Variants in KCNIP4 observed in about 807,000 individuals in gnomAD.
KCNIP4 encodes the protein potassium voltage-gated channel interacting protein 4, also known as Kv channel-interacting protein 4.
A neutral mutation model predicts 34.0 loss-of-function variants in KCNIP4; 12 were observed. The ratio of observed to expected loss-of-function variants is 0.35; its 90% CI spans 0.23 to 0.57. KCNIP4 has a LOEUF of 0.57. KCNIP4 is among the 20% of genes least tolerant of loss of function. KCNIP4 has a pLI of 0.83. For missense variants in KCNIP4, 238 were observed against 311.7 expected, an observed-to-expected ratio of 0.76 and a Z score of 1.78; for synonymous variants, 124 against 102.2, an observed-to-expected ratio of 1.21 and a Z score of -1.29.
intron 1 of KCNIP4, among the ~76,000 whole-genome samples, chr4:21,650,355 G>T (rs1259179044): frequency 6.6e-6 from 1 of 152,174 alleles, no homozygotes; most frequent in East Asian, 1.9e-4. Context: ...ATAGTAGGGG[G>T]TGTTAGAAGG....
intron 1 of KCNIP4, among the ~76,000 whole-genome samples, chr4:21,220,452 T>C (rs559686197): frequency 7.2e-5 from 11 of 152,240 alleles, no homozygotes; most frequent in Non-Finnish European, 1.6e-4. Flanking sequence ...GAGATATACC[T>C]AATGTAAATG....
rs917028787 is a variant in KCNIP4 at position 21,049,550 on chromosome 4, A to G, written c.62-166841T>C. ...GATGCCTATTTTTTCGTATCAATGT[A>G]CAAGTGTTTCTATTCTGTGAAGTCT... is the stretch of plus-strand genomic sequence containing the variant. On this transcript the variant is annotated intron_variant, in intron 1 of 8. Transcript: ENST00000382152. Among the ~76,000 whole-genome samples, 3 of 152,194 alleles carry G rather than the reference A, an allele frequency of 2.0e-5. No homozygotes were observed. The East Asian group carries it at 5.8e-4, about 29-fold the overall frequency.
chr4:21,861,365 T>C (rs1276182770), intron 1 of KCNIP4, among the ~76,000 whole-genome samples: 1 of 152,164 alleles, frequency 6.6e-6, no homozygotes, highest in Non-Finnish European at 1.5e-5. Context: ...ATCCAATCTA[T>C]TAGGAAATTT....
At chr4:20,907,022 G>A (rs1437322863) in intron 1 of KCNIP4, among the ~76,000 whole-genome samples, 1 of 152,166 alleles carries the variant, frequency 6.6e-6, no homozygotes, top group Non-Finnish European at 1.5e-5. Flanking sequence ...AACAGTTTCT[G>A]CCACACAGTA....
chr4:21,009,282 G>T, intron 1 of KCNIP4, among the ~76,000 whole-genome samples: 1 of 152,168 alleles, frequency 6.6e-6, no homozygotes, highest in East Asian at 1.9e-4. Flanking sequence ...CTTATCCAAT[G>T]AATAAATGAG....
chr4:21,855,200 C>A (rs1724674655), intron 1 of KCNIP4, among the ~76,000 whole-genome samples: 1 of 152,176 alleles, frequency 6.6e-6, no homozygotes, highest in Admixed American at 6.5e-5. Flanking sequence ...GGAAGAATCA[C>A]CCCTGTATCT....
intron 1 of KCNIP4, among the ~76,000 whole-genome samples, chr4:21,898,766 A>G (rs1727546396): frequency 6.6e-6 from 1 of 152,110 alleles, no homozygotes; most frequent in South Asian, 2.1e-4. Context: ...AGGGAAGGAA[A>G]GAGAAGTAAA....
intron 1 of KCNIP4, among the ~76,000 whole-genome samples, chr4:21,753,645 T>C (rs1717303240): frequency 6.6e-6 from 1 of 152,146 alleles, no homozygotes; most frequent in African/African-American, 2.4e-5. Context: ...CTGTTGTGCA[T>C]TTCCCTCCAT....
At chr4:21,789,137 C>T (rs960040652) in intron 1 of KCNIP4, among the ~76,000 whole-genome samples, 2 of 150,888 alleles carry the variant, frequency 1.3e-5, no homozygotes, top group Non-Finnish European at 2.9e-5. Flanking sequence ...CCTCAAGCCA[C>T]ACAGCTGGTG....
intron 1 of KCNIP4, among the ~76,000 whole-genome samples, chr4:21,890,449 G>A (rs1334483423): frequency 6.6e-6 from 1 of 152,056 alleles, no homozygotes; most frequent in Non-Finnish European, 1.5e-5. Flanking sequence ...GATTTGAAGA[G>A]CCTAAAGACC....
rs182752679 is a variant in KCNIP4 at position 21,050,798 on chromosome 4, C to T, written c.62-168089G>A. On this transcript the variant is annotated intron_variant, in intron 1 of 8. Transcript: ENST00000382152. Reference sequence around the variant, plus strand: ...AATTAGGCAAAACTATTTGATAGATCGAGTAGTTGGAGATCAGAAGCATGC... The same window carrying T: ...AATTAGGCAAAACTATTTGATAGATTGAGTAGTTGGAGATCAGAAGCATGC... Among the ~76,000 whole-genome samples the T allele has an allele frequency of 3.7e-4, 57 of 152,220 alleles. 1 individual carries two copies. Among genetic ancestry groups the T allele is most frequent in the Non-Finnish European group, 1.9e-4 (13 of 67,998 alleles).
At chr4:21,292,131 C>T (rs1256857224) in intron 1 of KCNIP4, among the ~76,000 whole-genome samples, 1 of 152,104 alleles carries the variant, frequency 6.6e-6, no homozygotes, top group East Asian at 1.9e-4. Flanking sequence ...AATAAATAAA[C>T]TACTATTTGA....
rs144452012 is a variant in KCNIP4, at chr4:21,443,648, T to C, written c.61+504923A>G. 1.4e-4 allele frequency among the ~76,000 whole-genome samples: 22 copies of C among 152,228 alleles called. No homozygotes were observed. The East Asian group carries it at 3.7e-3, about 26-fold the overall frequency. ...GCCTGATGCTCTAAAGAATTTGGAC[T>C]CAAGATTGAACATTAACCAGGCTCT... On this transcript the variant is annotated intron_variant, in intron 1 of 8. Coordinates refer to ENST00000382152, the MANE Select transcript of KCNIP4 (RefSeq NM_025221.6).
intron 1 of KCNIP4, among the ~76,000 whole-genome samples, chr4:21,796,148 A>C (rs1720609196): frequency 6.6e-6 from 1 of 152,116 alleles, no homozygotes. Flanking sequence ...ATCACATTAC[A>C]CTATTTAAAG....
At chr4:21,131,209 G>A (rs1315994996) in intron 1 of KCNIP4, among the ~76,000 whole-genome samples, 2 of 152,108 alleles carry the variant, frequency 1.3e-5, no homozygotes, top group Non-Finnish European at 2.9e-5. Context: ...GACACACATA[G>A]GATACCATGT....
At chr4:21,400,526 T>TCCCCTCCCC (rs1560369292) in intron 1 of KCNIP4, among the ~76,000 whole-genome samples, 514 of 40,934 alleles carry the variant, frequency 0.013, 16 homozygotes, top group East Asian at 0.043. Context: ...TTCTCTTCTC[T>TCCCCTCCCC]TCTCTTCTCT....
intron 1 of KCNIP4, among the ~76,000 whole-genome samples, chr4:21,079,363 T>C (rs1050211683): frequency 3.3e-5 from 5 of 152,156 alleles, no homozygotes; most frequent in African/African-American, 1.2e-4. Context: ...TTAAAATTAG[T>C]TGGGAAACAT....
chr4:21,289,775 C>T (rs1763327579), intron 1 of KCNIP4, among the ~76,000 whole-genome samples: 1 of 152,114 alleles, frequency 6.6e-6, no homozygotes, highest in African/African-American at 2.4e-5. Context: ...GGTGCCTAGG[C>T]AGATGCAAGA....
intron 1 of KCNIP4, among the ~76,000 whole-genome samples, chr4:21,764,131 C>A (rs1432290159): frequency 6.6e-6 from 1 of 152,102 alleles, no homozygotes; most frequent in Non-Finnish European, 1.5e-5. Flanking sequence ...AAAGGGAAAT[C>A]ATATATGCAT....
Sources: allele counts gnomAD v4.1 joint callset (sites outside exome capture counted in the v4.1 genomes callset), GRCh38; gene constraint gnomAD v4.1.1; transcripts MANE v1.5; gene names NCBI Gene and HGNC (gene_info 2026-07-23, HGNC 2026-07-21).